Variants in KSR1 observed in about 807,000 individuals in gnomAD.
The protein encoded by KSR1 is kinase suppressor of ras.
KSR1 carries 35 observed loss-of-function variants against 92.9 expected under a neutral mutation model. That is an observed-to-expected ratio of 0.38 (90% CI 0.29 to 0.50). KSR1 has a LOEUF of 0.50. KSR1 is among the 20% of genes least tolerant of loss of function. The pLI is 0.94. For missense variants in KSR1, 972 were observed against 1,158.5 expected (o/e 0.84, Z 2.34); for synonymous variants, 467 against 472.6 (o/e 0.99, Z 0.15).
At chr17:27,616,939 A>G (rs141886753) in intron 18 of KSR1, among the ~76,000 whole-genome samples, 40 of 152,300 alleles carry the variant, frequency 2.6e-4, no homozygotes, top group Non-Finnish European at 4.9e-4. Flanking sequence ...AGCATCTTGC[A>G]TTTCACCTGT....
chr17:27,530,611 C>G (rs1251913466), intron 1 of KSR1, among the ~76,000 whole-genome samples: 1 of 152,192 alleles, frequency 6.6e-6, no homozygotes, highest in African/African-American at 2.4e-5. Flanking sequence ...CCAGCACCCT[C>G]CCTTTTCCTC....
intron 5 of KSR1, chr17:27,587,622 C>T (rs1364969787): frequency 2.0e-5 from 3 of 152,406 alleles, no homozygotes; most frequent in East Asian, 1.9e-4. Context: ...CCCGGACCCC[C>T]GAAGCCCACC....
chr17:27,594,335 C>T (rs2073267524), intron 9 of KSR1, among the ~76,000 whole-genome samples: 1 of 152,034 alleles, frequency 6.6e-6, no homozygotes, highest in Non-Finnish European at 1.5e-5. Context: ...GAATGCAGTG[C>T]CCCCTGCCCC....
At chr17:27,594,091 G>A (rs1204440873) in intron 9 of KSR1, among the ~76,000 whole-genome samples, 1 of 152,114 alleles carries the variant, frequency 6.6e-6, no homozygotes, top group Admixed American at 6.5e-5. Flanking sequence ...CACAGCAGCT[G>A]CCCAGCCCTG....
chr17:27,605,357 A>G (rs1340722518), intron 13 of KSR1, 77 bp from the exon 14 acceptor site: 5 of 1,513,150 alleles, frequency 3.3e-6, no homozygotes, highest in Non-Finnish European at 4.4e-6. Flanking sequence ...TTACCTGGCT[A>G]GGGCTCCAGG....
At chr17:27,549,610 C>CT (rs1425093889) in intron 1 of KSR1, among the ~76,000 whole-genome samples, 1 of 152,162 alleles carries the variant, frequency 6.6e-6, no homozygotes, top group African/African-American at 2.4e-5. Flanking sequence ...GACAATAACT[C>CT]TAGAAAATAC....
rs1243442600 is a variant in KSR1, at chr17:27,559,366, T to C, written c.372+8658T>C. 6.6e-6 allele frequency among the ~76,000 whole-genome samples: 1 copy of C among 152,378 alleles called. No individual in the cohort carries two copies. Among genetic ancestry groups the C allele is most frequent in the Admixed American group, 6.5e-5 (1 of 15,312 alleles). On this transcript the variant is annotated intron_variant, in intron 2 of 20. Transcript: ENST00000644974. This position sits in a 1 kb window ranked among gnomAD's most constrained non-coding sequence, Gnocchi z 4.2. The stretch of plus-strand genomic sequence containing the variant: ...AGACAGAACTTGGGCAATGCCTGCA[T>C]GTGTTTGCCCAACCACTAGATCTTC...
chr17:27,466,216 AGT>A (rs956588751), intron 1 of KSR1, among the ~76,000 whole-genome samples: 1 of 152,162 alleles, frequency 6.6e-6, no homozygotes, highest in Admixed American at 6.5e-5. Context: ...CTTACAACCA[AGT>A]GTTGTGTTTA....
chr17:27,527,385 A>AC (rs1251044377), intron 1 of KSR1, among the ~76,000 whole-genome samples: 11 of 36,222 alleles, frequency 3.0e-4, no homozygotes, highest in Admixed American at 6.9e-4. Context: ...CTGCAGTGGC[A>AC]CACCCGCCCC....
intron 1 of KSR1, among the ~76,000 whole-genome samples, chr17:27,547,821 T>G (rs2071235656): frequency 6.6e-6 from 1 of 152,232 alleles, no homozygotes; most frequent in African/African-American, 2.4e-5. Flanking sequence ...CAAGTGATTC[T>G]CCTGCCTCAG....
chr17:27,488,732 G>A (rs371031793), intron 1 of KSR1, among the ~76,000 whole-genome samples: 1 of 152,138 alleles, frequency 6.6e-6, no homozygotes, highest in Non-Finnish European at 1.5e-5. Flanking sequence ...TTGGGAGGCC[G>A]AGGCAGGTGG....
intron 5 of KSR1, chr17:27,587,347 C>T (rs1567858549): frequency 6.6e-6 from 1 of 152,240 alleles, no homozygotes; most frequent in Non-Finnish European, 1.5e-5. Context: ...ACACCCTTCT[C>T]ATGGAGGTTG....
intron 11 of KSR1, chr17:27,601,913 T>C: frequency 6.2e-7 from 1 of 1,609,688 alleles, no homozygotes; most frequent in Non-Finnish European, 8.5e-7. Context: ...TGGCCATTGC[T>C]GGAAATGCCT....
At chr17:27,552,563 A>G (rs563173652) in intron 2 of KSR1, among the ~76,000 whole-genome samples, 1 of 152,230 alleles carries the variant, frequency 6.6e-6, no homozygotes. Flanking sequence ...GCCTGCTGCC[A>G]TGAGTCACCT....
At chr17:27,590,955 C>T (rs116917049) in intron 7 of KSR1, 61 bp downstream of exon 7, 39 of 1,415,618 alleles carry the variant, frequency 2.8e-5, no homozygotes, top group Non-Finnish European at 3.5e-5. Context: ...AAATCAAATG[C>T]GCTTCCCTAT....
chr17:27,610,669 A>C (rs1198266056), intron 17 of KSR1, among the ~76,000 whole-genome samples: 1 of 152,272 alleles, frequency 6.6e-6, no homozygotes, highest in Non-Finnish European at 1.5e-5. Context: ...CCACATTAAA[A>C]AAGAAATGGA....
chr17:27,491,131 T>A (rs1345656897), intron 1 of KSR1, among the ~76,000 whole-genome samples: 1 of 152,088 alleles, frequency 6.6e-6, no homozygotes, highest in Non-Finnish European at 1.5e-5. Context: ...TTTATGTTTA[T>A]TTTTTTAGAG....
intron 5 of KSR1, among the ~76,000 whole-genome samples, chr17:27,586,609 C>T (rs914552594): frequency 2.6e-5 from 4 of 152,196 alleles, no homozygotes; most frequent in African/African-American, 9.7e-5. Flanking sequence ...TCAACACCCC[C>T]ATCTCTAGGA....
At chr17:27,477,456 T>C (rs956666959) in intron 1 of KSR1, among the ~76,000 whole-genome samples, 2 of 152,214 alleles carry the variant, frequency 1.3e-5, no homozygotes, top group East Asian at 3.8e-4. Flanking sequence ...AGTTAGACTC[T>C]TGAGGGCACA....
Sources: gnomAD v4.1 joint callset for allele counts (sites outside exome capture counted in the v4.1 genomes callset) on GRCh38, gnomAD v4.1.1 for gene constraint, Gnocchi (gnomAD v3.1) non-coding constraint, MANE v1.5 for transcripts, NCBI Gene and HGNC (gene_info 2026-07-23, HGNC 2026-07-21) for gene names.